EML6: variants seen among roughly 807,000 people sequenced by gnomAD.
EML6 encodes echinoderm microtubule-associated protein-like 6.
Under a neutral mutation model 240.1 loss-of-function variants are expected in EML6, and 154 were observed. The observed-to-expected ratio is 0.64, with a 90% confidence interval of 0.56 to 0.73. The LOEUF is 0.73. Ranked by LOEUF, EML6 falls within the 30% of genes least tolerant of loss-of-function variation. The pLI, the probability that EML6 is intolerant of heterozygous loss-of-function variation, is 0.00. For missense variants in EML6, 2,964 were observed against 2,474.6 expected (o/e 1.20, Z -4.20); for synonymous variants, 1,148 against 899.0 (o/e 1.28, Z -4.95).
intron 8 of EML6, among the ~76,000 whole-genome samples, chr2:54,847,000 T>C (rs1669797646): frequency 6.7e-6 from 1 of 148,682 alleles, no homozygotes; most frequent in Non-Finnish European, 1.5e-5. Flanking sequence ...CTTGAACTCC[T>C]GGGCTTAAGT....
intron 9 of EML6, among the ~76,000 whole-genome samples, chr2:54,847,894 T>C (rs1235798075): frequency 6.6e-6 from 1 of 152,226 alleles, no homozygotes; most frequent in Non-Finnish European, 1.5e-5. Flanking sequence ...AATAATCATG[T>C]GTCATGTGAC....
At chr2:54,863,491 A>C (rs1173083048) in intron 12 of EML6, among the ~76,000 whole-genome samples, 1 of 152,112 alleles carries the variant, frequency 6.6e-6, no homozygotes, top group Non-Finnish European at 1.5e-5. Flanking sequence ...ACTGCGTTCC[A>C]GCCTAGGAGA....
intron 32 of EML6, 31 bp downstream of exon 32, chr2:54,954,187 A>G: frequency 1.3e-6 from 2 of 1,540,470 alleles, no homozygotes; most frequent in Non-Finnish European, 1.8e-6. Context: ...CTGTCCCTCC[A>G]GGGTGTCTGC....
chr2:54,928,740 C>T lies in EML6; in HGVS notation c.3993C>T (p.Ser1331=), dbSNP rs748814381. 5.5e-5 allele frequency: 85 copies of T among 1,551,630 alleles called. 1 individual carries two copies. The South Asian group carries it at 6.8e-4, about 12-fold the overall frequency. The change falls in exon 28 of 42, where the codon TCC becomes TCT. Residue 1331 remains serine, a synonymous_variant. Transcript: ENST00000356458. ...CACACCAGCAGCTGAAGGAAGTTTC[C>T]GTGGAAGAAAGGTATGGTGTTGCCA... is the stretch of plus-strand genomic sequence containing the variant. The part of the protein sequence containing the change: ...TKPHQQLKEV[S]VEERPPVSRA...
At chr2:54,956,734 G>C (rs902959897) in intron 32 of EML6, among the ~76,000 whole-genome samples, 1 of 152,004 alleles carries the variant, frequency 6.6e-6, no homozygotes, top group African/African-American at 2.4e-5. Flanking sequence ...GTACTAGAAA[G>C]CTGTCATAAA....
chr2:54,917,754 C>G (rs1674003354), intron 26 of EML6, among the ~76,000 whole-genome samples: 1 of 152,234 alleles, frequency 6.6e-6, no homozygotes, highest in East Asian at 1.9e-4. Flanking sequence ...TCACATTTGA[C>G]TCCCCGAAGT....
intron 2 of EML6, among the ~76,000 whole-genome samples, chr2:54,764,521 C>G (rs1312487150): frequency 6.6e-6 from 1 of 152,100 alleles, no homozygotes; most frequent in Non-Finnish European, 1.5e-5. Context: ...TTGTCTGCTT[C>G]TTGTTGCTTG....
At chr2:54,800,487 C>G (rs1257816272) in intron 2 of EML6, among the ~76,000 whole-genome samples, 1 of 152,020 alleles carries the variant, frequency 6.6e-6, no homozygotes, top group Non-Finnish European at 1.5e-5. Flanking sequence ...TCAAACATAT[C>G]CTAAAATAAT....
At chr2:54,762,474 CT>C (rs1000874316) in intron 2 of EML6, among the ~76,000 whole-genome samples, 21 of 152,132 alleles carry the variant, frequency 1.4e-4, no homozygotes, top group Admixed American at 1.2e-3. Context: ...AGTGGAAGTG[CT>C]TTTTAAGACT....
chr2:54,903,268 C>G lies in EML6; in HGVS notation c.3277+72C>G. 6.6e-6 allele frequency: 10 copies of G among 1,519,916 alleles called. No individual in the cohort carries two copies. The South Asian group carries it at 1.1e-4, about 17-fold the overall frequency. The allele number at this position is 1,519,916 out of a possible 1,614,324, so 94.2% of individuals were successfully genotyped here. On this transcript the variant is annotated intron_variant, in intron 23 of 41. Transcript: ENST00000356458. ...AAAAAATTACAAGAATGAACTATTTCAAATGTTTCTTTGACCATTTTCCCA... is the reference window on the plus strand; with the variant it reads ...AAAAAATTACAAGAATGAACTATTTGAAATGTTTCTTTGACCATTTTCCCA...
At chr2:54,821,818 A>G in intron 5 of EML6, among the ~76,000 whole-genome samples, 2 of 152,292 alleles carry the variant, frequency 1.3e-5, no homozygotes, top group African/African-American at 4.8e-5. Flanking sequence ...AACAAAGTCT[A>G]TATGAATTAA....
chr2:54,944,963 CTG>C (rs1320146372), intron 28 of EML6, among the ~76,000 whole-genome samples: 1 of 151,258 alleles, frequency 6.6e-6, no homozygotes, highest in Non-Finnish European at 1.5e-5. Flanking sequence ...GCTAATTTCT[CTG>C]TGTTTCTCGC....
At chr2:54,876,855 T>C (rs574035871) in intron 16 of EML6, among the ~76,000 whole-genome samples, 1 of 152,308 alleles carries the variant, frequency 6.6e-6, no homozygotes, top group South Asian at 2.1e-4. Context: ...TTCAAGATCT[T>C]CTTTTCTAGC....
chr2:54,801,529 C>G (rs1023094725), intron 2 of EML6, among the ~76,000 whole-genome samples: 2 of 152,178 alleles, frequency 1.3e-5, no homozygotes, highest in African/African-American at 2.4e-5. Context: ...CTTGCGCCAG[C>G]TCTGAGGAGG....
intron 14 of EML6, chr2:54,868,373 G>A (rs1256400520): frequency 6.6e-6 from 1 of 152,138 alleles, no homozygotes; most frequent in African/African-American, 2.4e-5. Flanking sequence ...ATGATGGATT[G>A]GTTTTCAGTT....
At chr2:54,736,813 G>A (rs547307852) in intron 2 of EML6, among the ~76,000 whole-genome samples, 2 of 152,186 alleles carry the variant, frequency 1.3e-5, no homozygotes, top group East Asian at 1.9e-4. Context: ...TACAGGGGCC[G>A]GTCAGTGTCA....
intron 26 of EML6, among the ~76,000 whole-genome samples, chr2:54,922,371 T>C (rs1459425425): frequency 6.6e-6 from 1 of 152,196 alleles, no homozygotes; most frequent in African/African-American, 2.4e-5. Flanking sequence ...CCTGTTAGGA[T>C]GTCTATTAAA....
chr2:54,960,786 C>G (rs1198358691), intron 35 of EML6, among the ~76,000 whole-genome samples: 2 of 152,154 alleles, frequency 1.3e-5, no homozygotes, highest in Non-Finnish European at 2.9e-5. Flanking sequence ...TGGTTTCCAA[C>G]TCATATTTGG....
At position 54,869,253 on chromosome 2, in the gene EML6, A is replaced by C; in HGVS notation, c.2124A>C (p.Ala708=). 6.4e-7 allele frequency: 1 copy of C among 1,551,606 alleles called. No individual in the cohort carries two copies. Among genetic ancestry groups the C allele is most frequent in the East Asian group, 2.4e-5 (1 of 40,916 alleles). The stretch of plus-strand genomic sequence containing the variant: ...GAGAAGTAGTCTACCACATTGCTGC[A>C]GTTGCTGTCGTGTATAATCGGCAGC... ...QAGEVVYHIA[A]VAVVYNRQQH... Residue 708 remains alanine (A), a synonymous_variant, in exon 15 of 42, where the codon GCA becomes GCC. Coordinates refer to ENST00000356458, the MANE Select transcript of EML6 (RefSeq NM_001039753.4).
Sources: gnomAD v4.1 joint callset for allele counts (sites outside exome capture counted in the v4.1 genomes callset) on GRCh38, gnomAD v4.1.1 for gene constraint, MANE v1.5 for transcripts, NCBI Gene and HGNC (gene_info 2026-07-23, HGNC 2026-07-21) for gene names.